Variants in EIF4E3 observed in about 807,000 individuals in gnomAD.
The protein encoded by EIF4E3 is eukaryotic translation initiation factor 4E type 3.
In EIF4E3, 26 loss-of-function variants were observed where a neutral mutation model predicts 31.7. The observed-to-expected ratio is 0.82, with a 90% CI of 0.60 to 1.14. The LOEUF is 1.14. EIF4E3 is among the 50% of genes most tolerant of loss of function. The pLI is 0.00. For synonymous variants in EIF4E3, 128 were observed against 107.7 expected (o/e 1.19, Z -1.17); for missense variants, 304 against 270.9 (o/e 1.12, Z -0.86).
rs2108005865 is a variant in EIF4E3 at position 71,684,449 on chromosome 3, A to C, written c.*233T>G. 1 of 383,768 alleles carries C rather than the reference A, an allele frequency of 2.6e-6. No individual in the cohort carries two copies. Among genetic ancestry groups the C allele is most frequent in the Non-Finnish European group, 4.6e-6 (1 of 215,682 alleles). 23.8% of individuals were successfully genotyped at this position (383,768 alleles called of 1,614,324 possible). ...CAGAGAATTTAGAAAGCCAAAAAAA[A>C]AGTTTTTTGTGTGTGTTTTTTTTAA... On this transcript the variant is annotated 3_prime_UTR_variant, in exon 7 of 7. Coordinates refer to ENST00000425534, the MANE Select transcript of EIF4E3 (RefSeq NM_001134651.2).
At chr3:71,746,205 A>G (rs1359898474) in intron 1 of EIF4E3, among the ~76,000 whole-genome samples, 1 of 152,224 alleles carries the variant, frequency 6.6e-6, no homozygotes, top group Non-Finnish European at 1.5e-5. Context: ...GTGTGACCAC[A>G]GACTATGGTT....
chr3:71,737,896 A>T (rs2049780061), intron 1 of EIF4E3, among the ~76,000 whole-genome samples: 1 of 152,242 alleles, frequency 6.6e-6, no homozygotes, highest in African/African-American at 2.4e-5. Flanking sequence ...CTGTCAACCT[A>T]GAATTCTATA....
intron 1 of EIF4E3, among the ~76,000 whole-genome samples, chr3:71,721,474 C>G (rs2049548061): frequency 6.6e-6 from 1 of 152,076 alleles, no homozygotes; most frequent in African/African-American, 2.4e-5. Flanking sequence ...GGCTGTGTCT[C>G]CACCCAAAAT....
chr3:71,715,730 G>C (rs1398859991), intron 1 of EIF4E3, among the ~76,000 whole-genome samples: 4 of 152,146 alleles, frequency 2.6e-5, no homozygotes, highest in Non-Finnish European at 5.9e-5. Flanking sequence ...TCCACCAGGA[G>C]TTTCCTCTTT....
intron 1 of EIF4E3, among the ~76,000 whole-genome samples, chr3:71,730,770 G>T (rs2108134888): frequency 6.6e-6 from 1 of 151,786 alleles, no homozygotes; most frequent in African/African-American, 2.4e-5. Flanking sequence ...TTGCTCTGTT[G>T]CCCAGGCTGG....
Position 71,686,399 on chromosome 3 carries a change from G to A in EIF4E3, c.629-1671C>T, listed in dbSNP as rs370956532. 1.1e-3 allele frequency among the ~76,000 whole-genome samples: 172 copies of A among 152,106 alleles called. 1 individual carries two copies. The highest frequency in any genetic ancestry group is 1.8e-3 in the Non-Finnish European group (123 of 67,996). On this transcript the variant is annotated intron_variant, in intron 6 of 6. Transcript: ENST00000425534. ...TTGGACGTTCACCCCAACCTACTCC[G>A]CACTTGGATGAAACACTGGGAGAGA...
chr3:71,747,434 A>C (rs1466340669), intron 1 of EIF4E3, among the ~76,000 whole-genome samples: 1 of 152,328 alleles, frequency 6.6e-6, no homozygotes, highest in African/African-American at 2.4e-5. Flanking sequence ...TTTTTAGAGA[A>C]ATGCCTATTT....
At position 71,693,985 on chromosome 3, in the gene EIF4E3, A is replaced by G. The variant is rs147129633; in HGVS notation, c.406-44T>C. Reference sequence around the variant, plus strand: ...AAAAAACAAAACAAACAAAATACAGATATTTTTAGACAATTATCCTCAGGA... The same window carrying G: ...AAAAAACAAAACAAACAAAATACAGGTATTTTTAGACAATTATCCTCAGGA... On this transcript the variant is annotated intron_variant, in intron 4 of 6. Transcript: ENST00000425534. 1.3e-4 allele frequency: 201 copies of G among 1,496,474 alleles called. No homozygotes were observed. The African/African-American group carries it at 2.7e-3, about 20-fold the overall frequency. The allele number at this position is 1,496,474 out of a possible 1,614,324, so 92.7% of individuals were successfully genotyped here. A position where few individuals can be genotyped will look rare whatever the true frequency, so the allele number is the denominator to read the frequency against.
upstream of EIF4E3, chr3:71,754,439 T>C (rs1240499538): frequency 2.2e-6 from 3 of 1,349,518 alleles, no homozygotes; most frequent in East Asian, 3.3e-5. The surrounding 1 kb of genome is among the most constrained non-coding windows in gnomAD (Gnocchi z 5.8). Flanking sequence ...ACCGCTTCTA[T>C]GCAGAGCGCC....
chr3:71,744,169 A>G (rs2049848414), intron 1 of EIF4E3, among the ~76,000 whole-genome samples: 1 of 152,038 alleles, frequency 6.6e-6, no homozygotes, highest in African/African-American at 2.4e-5. Context: ...CAAGCCAGAA[A>G]CCAGGGGAAA....
rs1007025547 is a variant in EIF4E3, at chr3:71,682,787, A to G, written c.*1895T>C. 2 of 152,638 alleles carry G rather than the reference A, an allele frequency of 1.3e-5. No homozygotes were observed. Among genetic ancestry groups the G allele is most frequent in the Non-Finnish European group, 2.9e-5 (2 of 68,028 alleles). The allele number at this position is 152,638 out of a possible 1,614,324, so 9.5% of individuals were successfully genotyped here. A position where few individuals can be genotyped will look rare whatever the true frequency, so the allele number is the denominator to read the frequency against. ...GGCTACATACATGCAAAAGTTGAAC[A>G]TGTCATCACAAATGCTTTAAATAAA... On this transcript the variant is annotated 3_prime_UTR_variant, in exon 7 of 7. Coordinates refer to ENST00000425534, the MANE Select transcript of EIF4E3 (RefSeq NM_001134651.2).
At chr3:71,685,358 G>A (rs904787075) in intron 6 of EIF4E3, among the ~76,000 whole-genome samples, 1 of 152,220 alleles carries the variant, frequency 6.6e-6, no homozygotes, top group Admixed American at 6.5e-5. Flanking sequence ...AGGAACTCTA[G>A]AATATATATA....
At chr3:71,712,024 A>G (rs1377721449) in intron 1 of EIF4E3, among the ~76,000 whole-genome samples, 3 of 152,206 alleles carry the variant, frequency 2.0e-5, no homozygotes, top group Non-Finnish European at 4.4e-5. Flanking sequence ...CTTCCTTATC[A>G]GAAGGTCACT....
At chr3:71,662,488 T>A in the EIF4E3 span, among the ~76,000 whole-genome samples, 3,113 of 152,366 alleles carry the variant, frequency 0.02, 53 homozygotes, top group Middle Eastern at 0.058. Flanking sequence ...GATACACTTA[T>A]ATGCGAAAAG....
At chr3:71,709,487 A>G (rs1001254209) in intron 2 of EIF4E3, among the ~76,000 whole-genome samples, 23 of 152,128 alleles carry the variant, frequency 1.5e-4, no homozygotes, top group Admixed American at 1.1e-3. Flanking sequence ...TCAAGTGATC[A>G]TTGTACCTCA....
chr3:71,732,460 C>T (rs1488588675), intron 1 of EIF4E3, among the ~76,000 whole-genome samples: 2 of 152,014 alleles, frequency 1.3e-5, no homozygotes, highest in Non-Finnish European at 2.9e-5. Flanking sequence ...AGTCTAAGAG[C>T]TCTGATTAAA....
chr3:71,667,162 A>G, the EIF4E3 span, among the ~76,000 whole-genome samples: 606 of 152,362 alleles, frequency 4.0e-3, 8 homozygotes, highest in African/African-American at 0.014. Context: ...CCACATGATT[A>G]TCTCAATAGA....
chr3:71,695,987 T>C (rs1012221889), intron 4 of EIF4E3, among the ~76,000 whole-genome samples: 3 of 152,122 alleles, frequency 2.0e-5, no homozygotes. Flanking sequence ...TGGAGCATAG[T>C]CTCTCATGAA....
At chr3:71,709,424 G>C (rs1466947508) in intron 2 of EIF4E3, among the ~76,000 whole-genome samples, 1 of 152,306 alleles carries the variant, frequency 6.6e-6, no homozygotes, top group East Asian at 1.9e-4. Context: ...CTGTTGCCCA[G>C]GCTGGAGTGC....
Sources: gnomAD v4.1 joint callset for allele counts (sites outside exome capture counted in the v4.1 genomes callset) on GRCh38, gnomAD v4.1.1 for gene constraint, Gnocchi (gnomAD v3.1) non-coding constraint, MANE v1.5 for transcripts, NCBI Gene and HGNC (gene_info 2026-07-23, HGNC 2026-07-21) for gene names.